SLC22A24: variants seen among roughly 807,000 people sequenced by gnomAD.
SLC22A24 encodes solute carrier family 22 member 24.
SLC22A24 carries 53 observed loss-of-function variants against 49.8 expected under a neutral mutation model. The observed-to-expected ratio is 1.06, with a 90% CI of 0.85 to 1.34. The LOEUF (loss-of-function observed/expected upper bound fraction) is 1.34. Among genes scored for constraint, SLC22A24 ranks in the 40% most tolerant of loss-of-function variants. The pLI is 0.00. For synonymous variants in SLC22A24, 302 were observed against 256.4 expected (o/e 1.18, Z -1.70); for missense variants, 786 against 675.9 (o/e 1.16, Z -1.81).
intron 4 of SLC22A24, among the ~76,000 whole-genome samples, chr11:63,115,355 A>G (rs1007958935): frequency 2.0e-5 from 3 of 152,218 alleles, no homozygotes; most frequent in Non-Finnish European, 2.9e-5. Flanking sequence ...CTCCGTGGGC[A>G]TGGGACCCAG....
chr11:63,122,247 T>G (rs563815688), intron 2 of SLC22A24, among the ~76,000 whole-genome samples: 1 of 152,120 alleles, frequency 6.6e-6, no homozygotes, highest in Non-Finnish European at 1.5e-5. Flanking sequence ...GACCTGACCA[T>G]AAAAGGTCCA....
chr11:63,111,861 C>G (rs941496030), intron 4 of SLC22A24, among the ~76,000 whole-genome samples: 1 of 151,796 alleles, frequency 6.6e-6, no homozygotes, highest in African/African-American at 2.4e-5. Flanking sequence ...CATTTCTGCT[C>G]TGATTTTAGT....
At chr11:63,121,311 TA>T (rs1279088048) in intron 2 of SLC22A24, among the ~76,000 whole-genome samples, 12 of 152,086 alleles carry the variant, frequency 7.9e-5, no homozygotes, top group East Asian at 3.9e-4. Context: ...AGCCTATTAG[TA>T]AAAAAAATTC....
intron 4 of SLC22A24, among the ~76,000 whole-genome samples, chr11:63,106,035 C>G (rs941202594): frequency 6.6e-6 from 1 of 151,552 alleles, no homozygotes; most frequent in Non-Finnish European, 1.5e-5. Context: ...CACCCATTAA[C>G]TCGTCATTTA....
At chr11:63,091,309 C>T (rs1016033280) in intron 6 of SLC22A24, among the ~76,000 whole-genome samples, 8 of 151,864 alleles carry the variant, frequency 5.3e-5, no homozygotes, top group African/African-American at 1.9e-4. Context: ...GATTCACAGC[C>T]GAAGTCTACC....
At chr11:63,110,169 G>C (rs534044215) in intron 4 of SLC22A24, among the ~76,000 whole-genome samples, 7 of 150,298 alleles carry the variant, frequency 4.7e-5, no homozygotes, top group African/African-American at 1.7e-4. Flanking sequence ...GATATGCGGC[G>C]TTATTTCTGA....
intron 5 of SLC22A24, among the ~76,000 whole-genome samples, chr11:63,097,410 A>T (rs2087062289): frequency 6.6e-6 from 1 of 152,216 alleles, no homozygotes; most frequent in Non-Finnish European, 1.5e-5. Context: ...GCGATCATTA[A>T]AAAGTCAGGA....
At chr11:63,125,099 A>G (rs1387347176) in intron 2 of SLC22A24, among the ~76,000 whole-genome samples, 2 of 103,056 alleles carry the variant, frequency 1.9e-5, no homozygotes, top group African/African-American at 6.3e-5. Context: ...AACTTAAAGT[A>G]TAATAATACA....
At chr11:63,099,510 G>A (rs1330709275) in intron 5 of SLC22A24, among the ~76,000 whole-genome samples, 1 of 143,358 alleles carries the variant, frequency 7.0e-6, no homozygotes, top group Non-Finnish European at 1.5e-5. Flanking sequence ...TAAAGAACTA[G>A]TACTAATCCT....
intron 1 of SLC22A24, among the ~76,000 whole-genome samples, chr11:63,140,118 T>C (rs1035153240): frequency 2.7e-5 from 4 of 146,638 alleles, no homozygotes; most frequent in African/African-American, 1.0e-4. Flanking sequence ...GGTCTTGCTC[T>C]GTCACCAGGC....
In SLC22A24 at chr11:63,139,921, T is replaced by G. The variant is rs115488137; in HGVS notation, c.402+3457A>C. Among the ~76,000 whole-genome samples the G allele has an allele frequency of 4.5e-3, 691 of 152,226 alleles. 2 individuals are homozygous for G. Among genetic ancestry groups the G allele is most frequent in the African/African-American group, 0.013 (544 of 41,554 alleles). On this transcript the variant is annotated intron_variant, in intron 1 of 9. Transcript: ENST00000612278. ...TTTATCTGTATTTATATGTTTTTTT[T>G]TGTGTGTGATATTTATATGTAAAAG...
At chr11:63,092,869 T>G (rs2087029347) in intron 6 of SLC22A24, among the ~76,000 whole-genome samples, 2 of 152,058 alleles carry the variant, frequency 1.3e-5, no homozygotes, top group Admixed American at 1.3e-4. Flanking sequence ...AAAGAGCTTC[T>G]GCACAGCAAA....
intron 6 of SLC22A24, among the ~76,000 whole-genome samples, chr11:63,090,047 C>T (rs1219583327): frequency 2.3e-5 from 3 of 132,326 alleles, no homozygotes; most frequent in African/African-American, 5.6e-5. Flanking sequence ...GGCCACTGCA[C>T]TCCAGCCTGG....
At chr11:63,123,201 C>T (rs777184657) in intron 2 of SLC22A24, among the ~76,000 whole-genome samples, 28 of 152,162 alleles carry the variant, frequency 1.8e-4, no homozygotes, top group Non-Finnish European at 3.7e-4. Context: ...TTGTATACTA[C>T]AGTGCATAAT....
chr11:63,126,384 C>G (rs1212850906), intron 2 of SLC22A24, among the ~76,000 whole-genome samples: 2 of 152,140 alleles, frequency 1.3e-5, no homozygotes, highest in Non-Finnish European at 2.9e-5. Flanking sequence ...TATGGCTAGC[C>G]TATTTTCCCA....
chr11:63,132,715 C>T (rs1006767181), intron 2 of SLC22A24, among the ~76,000 whole-genome samples: 46 of 152,156 alleles, frequency 3.0e-4, no homozygotes, highest in African/African-American at 1.1e-3. Context: ...AGGTGTCTGT[C>T]GGCCCCTACT....
chr11:63,131,985 C>G (rs141734711), intron 2 of SLC22A24, among the ~76,000 whole-genome samples: 2,343 of 152,206 alleles, frequency 0.015, 27 homozygotes, highest in Middle Eastern at 0.054. Flanking sequence ...TTTCTTTTCA[C>G]TCTTTTTTCT....
At chr11:63,082,622 T>C (rs2135190534) in intron 7 of SLC22A24, among the ~76,000 whole-genome samples, 1 of 152,348 alleles carries the variant, frequency 6.6e-6, no homozygotes, top group Non-Finnish European at 1.5e-5. Flanking sequence ...AGGGGTAGAT[T>C]ATAAAACAGA....
At chr11:63,114,060 G>C (rs1235496491) in intron 4 of SLC22A24, among the ~76,000 whole-genome samples, 2 of 152,064 alleles carry the variant, frequency 1.3e-5, no homozygotes, top group Admixed American at 1.3e-4. Context: ...CTCTTCTTGA[G>C]GAGTATCTTT....
Sources: gnomAD v4.1 joint callset for allele counts (sites outside exome capture counted in the v4.1 genomes callset) on GRCh38, gnomAD v4.1.1 for gene constraint, MANE v1.5 for transcripts, NCBI Gene and HGNC (gene_info 2026-07-23, HGNC 2026-07-21) for gene names.